Variants in MRRF observed in about 807,000 individuals in gnomAD.
MRRF encodes mitochondrial ribosome recycling factor.
A neutral mutation model predicts 25.1 loss-of-function variants in MRRF; 18 were observed. The observed-to-expected ratio is 0.72, with a 90% CI of 0.50 to 1.06. The LOEUF (loss-of-function observed/expected upper bound fraction) is 1.06, where lower values mean the gene tolerates loss of function less well. Ranked by LOEUF, MRRF falls within the 50% of genes least tolerant of loss-of-function variation. The pLI is 0.00. For synonymous variants in MRRF, 113 were observed against 112.1 expected, an observed-to-expected ratio of 1.01 and a Z score of -0.05; for missense variants, 323 against 319.3, an observed-to-expected ratio of 1.01 and a Z score of -0.09.
At chr9:122,301,456 C>G (rs1209414478) in intron 5 of MRRF, among the ~76,000 whole-genome samples, 1 of 152,142 alleles carries the variant, frequency 6.6e-6, no homozygotes, top group African/African-American at 2.4e-5. Flanking sequence ...TGCTTTTAGG[C>G]TACTTATTTC....
chr9:122,276,720 G>A (rs1832795741), intron 2 of MRRF, among the ~76,000 whole-genome samples: 1 of 152,110 alleles, frequency 6.6e-6, no homozygotes, highest in Non-Finnish European at 1.5e-5. Context: ...TGAGAATAAT[G>A]TGTATTCTTT....
At chr9:122,317,819 G>C (rs918295725) in intron 6 of MRRF, among the ~76,000 whole-genome samples, 23 of 152,166 alleles carry the variant, frequency 1.5e-4, no homozygotes, top group Non-Finnish European at 3.2e-4. Flanking sequence ...TTATAAAAAT[G>C]CTTCTTCAAT....
intron 5 of MRRF, among the ~76,000 whole-genome samples, chr9:122,306,446 T>C (rs1834851460): frequency 6.6e-6 from 1 of 152,098 alleles, no homozygotes; most frequent in African/African-American, 2.4e-5. Context: ...ATTTGACAGA[T>C]GGAAAAACTG....
chr9:122,270,038 A>AT (rs1245249074), intron 1 of MRRF, among the ~76,000 whole-genome samples: 1 of 152,060 alleles, frequency 6.6e-6, no homozygotes, highest in Non-Finnish European at 1.5e-5. Context: ...TTAGGATGGG[A>AT]TTTAAAAAAA....
chr9:122,298,150 T>TG (rs1834211840), intron 5 of MRRF, among the ~76,000 whole-genome samples: 1 of 152,242 alleles, frequency 6.6e-6, no homozygotes, highest in Non-Finnish European at 1.5e-5. Flanking sequence ...TCTGTATTCT[T>TG]GCATCCATGG....
Position 122,306,163 on chromosome 9 carries a change from A to G in MRRF, c.552-7064A>G, listed in dbSNP as rs571011333. The stretch of plus-strand genomic sequence containing the variant: ...AACATCACAATTACTTTTATTAATA[A>G]TATTATTGATAACTTAAAATAGTTT... On this transcript the variant is annotated intron_variant, in intron 5 of 6. Coordinates refer to ENST00000344641, the MANE Select transcript of MRRF (RefSeq NM_138777.5). 1.3e-4 allele frequency among the ~76,000 whole-genome samples: 20 copies of G among 152,228 alleles called. No individual in the cohort carries two copies. The East Asian group carries it at 3.9e-3, about 29-fold the overall frequency.
chr9:122,286,982 A>C (rs960544549), intron 4 of MRRF, among the ~76,000 whole-genome samples: 4 of 152,132 alleles, frequency 2.6e-5, no homozygotes, highest in Admixed American at 2.6e-4. Context: ...AACACACCAA[A>C]CCCTTTGCAT....
intron 5 of MRRF, among the ~76,000 whole-genome samples, chr9:122,302,695 A>G (rs1167023682): frequency 6.6e-6 from 1 of 152,200 alleles, no homozygotes; most frequent in Non-Finnish European, 1.5e-5. Context: ...TTGTGTGAAC[A>G]TGCTTTTAAT....
At chr9:122,319,435 CTT>C (rs1835741499) in intron 6 of MRRF, among the ~76,000 whole-genome samples, 1 of 152,166 alleles carries the variant, frequency 6.6e-6, no homozygotes, top group African/African-American at 2.4e-5. Context: ...CAACCACTGA[CTT>C]TTTATGTGAT....
intron 1 of MRRF, among the ~76,000 whole-genome samples, chr9:122,267,836 G>A (rs1832209010): frequency 6.6e-6 from 1 of 152,156 alleles, no homozygotes; most frequent in African/African-American, 2.4e-5. Context: ...GTTAGGTATT[G>A]TCATTATTGT....
chr9:122,316,708 T>G (rs1368412950), intron 6 of MRRF, among the ~76,000 whole-genome samples: 2 of 152,128 alleles, frequency 1.3e-5, no homozygotes, highest in Non-Finnish European at 2.9e-5. Context: ...TGTTTACTTT[T>G]GTTCCTTATT....
chr9:122,313,510 C>T (rs748669403), intron 6 of MRRF, 124 bp downstream of exon 6: 141 of 1,126,284 alleles, frequency 1.3e-4, no homozygotes, highest in Non-Finnish European at 1.8e-4. Flanking sequence ...TCACCATTGT[C>T]TGAGTCTCTG....
rs578246931 is a variant in MRRF, at chr9:122,265,105, T to G, written c.-29+167T>G. On this transcript the variant is annotated intron_variant, in intron 1 of 6. Transcript: ENST00000344641. ...GCGGGACCTGTGGCATTGGAGCGAG[T>G]CTCATGGGGTGGGGGCGGGGCTCCT... 1.2e-3 allele frequency among the ~76,000 whole-genome samples: 184 copies of G among 149,530 alleles called. 1 individual carries two copies. The highest frequency in any genetic ancestry group is 4.3e-3 in the African/African-American group (174 of 40,530).
chr9:122,324,212 T>A lies in MRRF; in HGVS notation c.*1595T>A, dbSNP rs2119034676. 1 of 152,382 alleles carries A rather than the reference T, an allele frequency of 6.6e-6. No individual in the cohort carries two copies. Among genetic ancestry groups the A allele is most frequent in the East Asian group, 1.9e-4 (1 of 5,188 alleles). The allele number at this position is 152,382 out of a possible 1,614,324, so 9.4% of individuals were successfully genotyped here. A position where few individuals can be genotyped will look rare whatever the true frequency, so the allele number is the denominator to read the frequency against. On this transcript the variant is annotated 3_prime_UTR_variant, in exon 7 of 7. Transcript: ENST00000344641. ...AGTCTGGGCCACCCATACTCCTGAC[T>A]GACCAACTACAAACTAGAGTCCTTG...
rs537754675 is a variant in MRRF at position 122,292,668 on chromosome 9, G to A, written c.551+828G>A. ...GTGGGCTTTATTCTCACTGTGATGG[G>A]AAGTCAGTGGAAGGATTTAAGCAGG... is the stretch of plus-strand genomic sequence containing the variant. On this transcript the variant is annotated intron_variant, in intron 5 of 6. Coordinates refer to ENST00000344641, the MANE Select transcript of MRRF (RefSeq NM_138777.5). 1.6e-3 allele frequency among the ~76,000 whole-genome samples: 241 copies of A among 152,218 alleles called. 1 individual carries two copies. The highest frequency in any genetic ancestry group is 4.0e-3 in the Admixed American group (61 of 15,298).
At chr9:122,283,508 C>T (rs1451493346) in intron 3 of MRRF, among the ~76,000 whole-genome samples, 1 of 152,198 alleles carries the variant, frequency 6.6e-6, no homozygotes, top group Non-Finnish European at 1.5e-5. Flanking sequence ...TATTTGAACT[C>T]AGGTAATTGG....
chr9:122,316,835 A>AG (rs993275866), intron 6 of MRRF, among the ~76,000 whole-genome samples: 1 of 151,604 alleles, frequency 6.6e-6, no homozygotes, highest in African/African-American at 2.4e-5. Context: ...AAAAAAAAAA[A>AG]CTACATAGTT....
chr9:122,286,803 C>A (rs560000089), intron 4 of MRRF, among the ~76,000 whole-genome samples: 2 of 152,290 alleles, frequency 1.3e-5, no homozygotes, highest in African/African-American at 4.8e-5. Context: ...TTCTAGCAAT[C>A]TTTAAGAAAC....
At chr9:122,319,147 C>CTTTTTTTTTTT (rs35949709) in intron 6 of MRRF, among the ~76,000 whole-genome samples, 5 of 121,016 alleles carry the variant, frequency 4.1e-5, no homozygotes, top group African/African-American at 6.0e-5. Flanking sequence ...TTCTTTCTTT[C>CTTTTTTTTTTT]TTTTTTTTTT....
Sources: gnomAD v4.1 joint callset for allele counts (sites outside exome capture counted in the v4.1 genomes callset) on GRCh38, gnomAD v4.1.1 for gene constraint, MANE v1.5 for transcripts, NCBI Gene and HGNC (gene_info 2026-07-23, HGNC 2026-07-21) for gene names.